The following GRID1 variants were observed in gnomAD, a reference collection of about 807,000 sequenced individuals.
The protein encoded by GRID1 is glutamate receptor ionotropic, delta-1.
Under a neutral mutation model 98.0 loss-of-function variants are expected in GRID1, and 28 were observed. The observed-to-expected ratio is 0.29, with a 90% CI of 0.21 to 0.39. GRID1 has a LOEUF of 0.39. Among genes scored for constraint, GRID1 ranks in the 10% least tolerant of loss-of-function variants. The probability of loss-of-function intolerance (pLI) is 1.00; values close to 1 mark genes in which losing one functional copy is unlikely to be tolerated. For missense variants in GRID1, 1,111 were observed against 1,340.5 expected (o/e 0.83, Z 2.67); for synonymous variants, 553 against 538.5 (o/e 1.03, Z -0.37).
chr10:86,234,629 T>A (rs1408848812), intron 2 of GRID1, among the ~76,000 whole-genome samples: 1 of 152,182 alleles, frequency 6.6e-6, no homozygotes, highest in Non-Finnish European at 1.5e-5. Context: ...CCCCCCAGGT[T>A]GGTGTTGCGG....
intron 8 of GRID1, among the ~76,000 whole-genome samples, chr10:85,759,110 C>T (rs1842124482): frequency 6.6e-6 from 1 of 152,222 alleles, no homozygotes; most frequent in Admixed American, 6.5e-5. Flanking sequence ...TCAGAGCCAA[C>T]TCCAGTCTCT....
intron 2 of GRID1, among the ~76,000 whole-genome samples, chr10:86,324,291 G>A (rs1160940114): frequency 6.6e-6 from 1 of 152,176 alleles, no homozygotes; most frequent in Non-Finnish European, 1.5e-5. Context: ...GCATAGAAAG[G>A]TCTCAATTTG....
At chr10:86,019,627 G>A (rs144075061) in intron 4 of GRID1, among the ~76,000 whole-genome samples, 1 of 152,358 alleles carries the variant, frequency 6.6e-6, no homozygotes, top group Non-Finnish European at 1.5e-5. Context: ...CCACTGGGTG[G>A]AAGTTGGCAT....
intron 3 of GRID1, among the ~76,000 whole-genome samples, chr10:86,182,714 T>G (rs539596031): frequency 6.6e-6 from 1 of 152,324 alleles, no homozygotes; most frequent in South Asian, 2.1e-4. Context: ...GCATTTCGGG[T>G]CCCTGCTATA....
intron 2 of GRID1, among the ~76,000 whole-genome samples, chr10:86,268,678 C>T (rs752581292): frequency 2.1e-4 from 32 of 152,150 alleles, no homozygotes; most frequent in Non-Finnish European, 7.4e-5. Context: ...GTAAGAGGCA[C>T]GTGAAGCATG....
At chr10:86,104,887 G>A (rs1261917798) in intron 4 of GRID1, among the ~76,000 whole-genome samples, 1 of 152,202 alleles carries the variant, frequency 6.6e-6, no homozygotes, top group African/African-American at 2.4e-5. Context: ...AGCGGACAGG[G>A]GGGCAAAAGG....
intron 2 of GRID1, among the ~76,000 whole-genome samples, chr10:86,241,338 C>T (rs889588527): frequency 2.6e-5 from 4 of 152,358 alleles, no homozygotes; most frequent in East Asian, 1.9e-4. Context: ...AAAGGCTCCA[C>T]CCGCTGGCTG....
intron 2 of GRID1, among the ~76,000 whole-genome samples, chr10:86,354,207 C>T (rs909277748): frequency 6.6e-6 from 1 of 152,196 alleles, no homozygotes; most frequent in East Asian, 1.9e-4. Flanking sequence ...TATAGGGGCA[C>T]AGGCCACAGC....
intron 2 of GRID1, among the ~76,000 whole-genome samples, chr10:86,343,402 G>A (rs1329164833): frequency 6.6e-6 from 1 of 152,188 alleles, no homozygotes; most frequent in Admixed American, 6.5e-5. Context: ...AGAAGACAGT[G>A]GGCTTTACTG....
At chr10:85,939,601 C>T (rs1206870790) in intron 4 of GRID1, among the ~76,000 whole-genome samples, 1 of 152,158 alleles carries the variant, frequency 6.6e-6, no homozygotes, top group Non-Finnish European at 1.5e-5. Flanking sequence ...CTTCCTCTGA[C>T]TCTTTGTCTC....
intron 3 of GRID1, among the ~76,000 whole-genome samples, chr10:86,141,822 G>A (rs768935314): frequency 5.3e-5 from 8 of 152,210 alleles, no homozygotes; most frequent in Non-Finnish European, 1.0e-4. Flanking sequence ...GGTACTGCCT[G>A]GAGAAACCGC....
At chr10:86,308,710 G>A (rs1847793120) in intron 2 of GRID1, among the ~76,000 whole-genome samples, 1 of 152,196 alleles carries the variant, frequency 6.6e-6, no homozygotes, top group East Asian at 1.9e-4. Flanking sequence ...ACTTCTGGAG[G>A]CTGGGAAGTC....
intron 13 of GRID1, among the ~76,000 whole-genome samples, chr10:85,632,801 G>A (rs1209092755): frequency 1.3e-5 from 2 of 152,174 alleles, no homozygotes; most frequent in Non-Finnish European, 2.9e-5. Flanking sequence ...CGTGTGCCAT[G>A]GTGGTTTGCC....
intron 4 of GRID1, among the ~76,000 whole-genome samples, chr10:86,133,969 A>G (rs1195045088): frequency 6.6e-6 from 1 of 152,282 alleles, no homozygotes; most frequent in Non-Finnish European, 1.5e-5. Flanking sequence ...CAGTGGAACA[A>G]AAGACTAGAA....
intron 12 of GRID1, among the ~76,000 whole-genome samples, chr10:85,667,702 C>T (rs995649747): frequency 6.6e-6 from 1 of 152,172 alleles, no homozygotes; most frequent in African/African-American, 2.4e-5. Flanking sequence ...AGTGTGCCCC[C>T]AGAACTGAGC....
chr10:86,212,136 G>A (rs1372256642), intron 2 of GRID1, among the ~76,000 whole-genome samples: 2 of 152,224 alleles, frequency 1.3e-5, no homozygotes, highest in South Asian at 2.1e-4. Flanking sequence ...GAACAAGGCT[G>A]TGGGAAGCAA....
intron 4 of GRID1, among the ~76,000 whole-genome samples, chr10:85,997,759 G>A (rs973647601): frequency 1.5e-4 from 23 of 151,896 alleles, no homozygotes. Flanking sequence ...TAAACATATC[G>A]ATCAAAAATT....
chr10:85,628,603 A>G (rs376440368), intron 13 of GRID1, among the ~76,000 whole-genome samples: 7 of 152,284 alleles, frequency 4.6e-5, no homozygotes, highest in African/African-American at 1.7e-4. Flanking sequence ...TGAGGCTGTG[A>G]GGCAGACCAT....
At chr10:86,151,417 A>G (rs1170390027) in intron 3 of GRID1, among the ~76,000 whole-genome samples, 1 of 151,720 alleles carries the variant, frequency 6.6e-6, no homozygotes, top group African/African-American at 2.4e-5. Context: ...GTGCACCAAG[A>G]CACAGCAACT....
Sources: allele counts gnomAD v4.1 joint callset (sites outside exome capture counted in the v4.1 genomes callset), GRCh38; gene constraint gnomAD v4.1.1; transcripts MANE v1.5; gene names NCBI Gene and HGNC (gene_info 2026-07-23, HGNC 2026-07-21).